Variants in RUBCN observed in about 807,000 individuals in gnomAD.
The protein encoded by RUBCN is rubicon autophagy regulator.
RUBCN carries 74 observed loss-of-function variants against 113.2 expected under a neutral mutation model. The ratio of observed to expected loss-of-function variants is 0.65; its 90% CI spans 0.54 to 0.79. RUBCN has a LOEUF of 0.79. RUBCN is among the 30% of genes least tolerant of loss of function. The probability of loss-of-function intolerance (pLI) is 0.00; values close to 1 mark genes in which losing one functional copy is unlikely to be tolerated. For missense variants in RUBCN, 1,109 were observed against 1,251.7 expected (o/e 0.89, Z 1.72); for synonymous variants, 480 against 490.0 (o/e 0.98, Z 0.27).
intron 2 of RUBCN, among the ~76,000 whole-genome samples, chr3:197,709,037 TAC>T (rs1724652008): frequency 6.6e-6 from 1 of 152,198 alleles, no homozygotes; most frequent in South Asian, 2.1e-4. Context: ...AGAAAGATGA[TAC>T]AGACTCCATC....
rs1719580354 is a variant in RUBCN at position 197,669,220 on chromosome 3, G to C, written c.*5798C>G. Among the ~76,000 whole-genome samples, 1 of 152,108 alleles carries C rather than the reference G, an allele frequency of 6.6e-6. No homozygotes were observed. The highest frequency in any genetic ancestry group is 6.5e-5 in the Admixed American group (1 of 15,270). On this transcript the variant is annotated 3_prime_UTR_variant, in exon 20 of 20. Transcript: ENST00000296343. ...TTCCCAAAACTAAGGAACCAACATT[G>C]GTATGTTACTTTTAACTAAACTCCA...
Position 197,674,832 on chromosome 3 carries a change from C to T in RUBCN, c.*186G>A. On this transcript the variant is annotated 3_prime_UTR_variant, in exon 20 of 20. Coordinates refer to ENST00000296343, the MANE Select transcript of RUBCN (RefSeq NM_014687.4). ...TTATCTGTCACCACAGACTCTGGAC[C>T]CATCAACCTGCCGACGGCTGACTGC... 1 of 570,362 alleles carries T rather than the reference C, an allele frequency of 1.8e-6. No individual in the cohort carries two copies. Among genetic ancestry groups the T allele is most frequent in the South Asian group, 2.4e-5 (1 of 41,074 alleles). The allele number at this position is 570,362 out of a possible 1,614,324, so 35.3% of individuals were successfully genotyped here.
chr3:197,695,677 T>C (rs1022277701), intron 9 of RUBCN, among the ~76,000 whole-genome samples, 189 bp downstream of exon 9: 5 of 152,170 alleles, frequency 3.3e-5, no homozygotes, highest in South Asian at 2.1e-4. Flanking sequence ...CGCTAATAAT[T>C]TGGACTCAGT....
intron 1 of RUBCN, among the ~76,000 whole-genome samples, chr3:197,743,750 C>T (rs1728620787): frequency 6.6e-6 from 1 of 152,176 alleles, no homozygotes. Context: ...CTTTGGGAGG[C>T]CGAGGTGGGT....
chr3:197,721,210 T>C (rs182302747), intron 1 of RUBCN, among the ~76,000 whole-genome samples: 3 of 152,332 alleles, frequency 2.0e-5, no homozygotes, highest in Admixed American at 6.5e-5. Flanking sequence ...CTTGAAGTTG[T>C]GGTAGAATTC....
rs1009479729 is a variant in RUBCN, at chr3:197,685,609, T to A, written c.1787-1392A>T. On this transcript the variant is annotated intron_variant, in intron 11 of 19. Coordinates refer to ENST00000296343, the MANE Select transcript of RUBCN (RefSeq NM_014687.4). ...ACAAACTAATGTCTTCAAAGCTACA[T>A]GTATGAGTAAGGTAACAGAAGTCAA... Among the ~76,000 whole-genome samples, 7 of 152,356 alleles carry A rather than the reference T, an allele frequency of 4.6e-5. No homozygotes were observed. The East Asian group carries it at 1.3e-3, about 29-fold the overall frequency.
intron 11 of RUBCN, among the ~76,000 whole-genome samples, chr3:197,686,723 G>C (rs1292986848): frequency 6.6e-6 from 1 of 152,234 alleles, no homozygotes; most frequent in African/African-American, 2.4e-5. Flanking sequence ...GGAGGTCCGA[G>C]ACACTCAGCA....
At position 197,683,509 on chromosome 3, in the gene RUBCN, A is replaced by T. The variant is rs1358951445; in HGVS notation, c.1848-70T>A. On this transcript the variant is annotated intron_variant, in intron 12 of 19. Transcript: ENST00000296343. The surrounding 1 kb of genome is among the most constrained non-coding windows in gnomAD (Gnocchi z 4.6). ...GGGCGATGCGAGGCTTCCCTTCATG[A>T]TCTCATCCCCCACGCAGCAACTTCT... The T allele has an allele frequency of 7.0e-6, 11 of 1,578,168 alleles. No individual in the cohort carries two copies. The Admixed American group carries it at 1.9e-4, about 27-fold the overall frequency.
chr3:197,679,888 T>TCTAA, intron 16 of RUBCN, among the ~76,000 whole-genome samples: 1 of 138,392 alleles, frequency 7.2e-6, no homozygotes. Flanking sequence ...TGTCCTGTGC[T>TCTAA]CTGACAACTG....
intron 1 of RUBCN, among the ~76,000 whole-genome samples, chr3:197,742,987 G>A (rs1221259286): frequency 6.6e-6 from 1 of 152,208 alleles, no homozygotes; most frequent in Non-Finnish European, 1.5e-5. Context: ...GGGAGGGCAA[G>A]GCCTAATAAG....
intron 2 of RUBCN, among the ~76,000 whole-genome samples, chr3:197,707,206 C>T (rs1471166140): frequency 6.6e-6 from 1 of 152,092 alleles, no homozygotes; most frequent in East Asian, 1.9e-4. Context: ...GTGGTGGGCG[C>T]CTGTAGTCCC....
At chr3:197,702,439 A>G (rs111350407) in intron 5 of RUBCN, among the ~76,000 whole-genome samples, 17,106 of 152,084 alleles carry the variant, frequency 0.11, 1,184 homozygotes, top group African/African-American at 0.18. Flanking sequence ...AAGGCGGGCA[A>G]ATCACTTGAG....
At position 197,696,044 on chromosome 3, in the gene RUBCN, A is replaced by G; in HGVS notation, c.1358-63T>C. On this transcript the variant is annotated intron_variant, in intron 8 of 19. Transcript: ENST00000296343. The stretch of plus-strand genomic sequence containing the variant: ...CTTCAGGAAGTCTTAAGCTTTTGTC[A>G]TTAAAGATGCTCCCAAGTCTTCCCA... The G allele has an allele frequency of 2.7e-6, 4 of 1,476,056 alleles. No individual in the cohort carries two copies. The South Asian group carries it at 3.4e-5, about 13-fold the overall frequency. 91.4% of individuals were successfully genotyped at this position (1,476,056 alleles called of 1,614,324 possible). A position where few individuals can be genotyped will look rare whatever the true frequency, so the allele number is the denominator to read the frequency against.
At chr3:197,724,011 T>C (rs565838609) in intron 1 of RUBCN, among the ~76,000 whole-genome samples, 43 of 152,216 alleles carry the variant, frequency 2.8e-4, no homozygotes, top group East Asian at 5.8e-4. Flanking sequence ...GGCAGGAGAA[T>C]TGCTTGAACC....
At chr3:197,730,885 C>CTTTTTTTTTTTTT (rs71166707) in intron 1 of RUBCN, among the ~76,000 whole-genome samples, 9 of 50,008 alleles carry the variant, frequency 1.8e-4, no homozygotes, top group African/African-American at 3.2e-4. Flanking sequence ...TTAAAAGCAT[C>CTTTTTTTTTTTTT]TTTTTTTTTT....
chr3:197,677,628 G>A, intron 16 of RUBCN, 87 bp from the exon 17 acceptor site: 1 of 1,238,950 alleles, frequency 8.1e-7, no homozygotes, highest in Non-Finnish European at 1.2e-6. Context: ...TTAAACCCTG[G>A]GGTTCTAGAA....
At chr3:197,720,929 C>T (rs535855862) in intron 1 of RUBCN, among the ~76,000 whole-genome samples, 2 of 152,062 alleles carry the variant, frequency 1.3e-5, no homozygotes, top group African/African-American at 4.8e-5. Context: ...CCACCAGCAG[C>T]GTGTAAGGGT....
chr3:197,709,416 T>C (rs1724698031), intron 2 of RUBCN, among the ~76,000 whole-genome samples: 2 of 152,156 alleles, frequency 1.3e-5, no homozygotes, highest in Admixed American at 1.3e-4. Context: ...AGTTTCTCTC[T>C]GTTGCCCAAG....
chr3:197,676,091 G>A (rs1332674906), intron 18 of RUBCN: 5 of 620,246 alleles, frequency 8.1e-6, no homozygotes, highest in East Asian at 1.3e-4. Context: ...CAATAACGAC[G>A]TGCGTTTGAG....
Sources: allele counts gnomAD v4.1 joint callset (sites outside exome capture counted in the v4.1 genomes callset), GRCh38; gene constraint gnomAD v4.1.1; non-coding constraint Gnocchi (gnomAD v3.1); transcripts MANE v1.5; gene names NCBI Gene and HGNC (gene_info 2026-07-23, HGNC 2026-07-21).